The following SENP7 variants were observed in gnomAD, a reference collection of about 807,000 sequenced individuals.
SENP7 encodes sentrin-specific protease 7.
In SENP7, 64 loss-of-function variants were observed where a neutral mutation model predicts 141.2. The observed-to-expected ratio is 0.45, with a 90% CI of 0.37 to 0.56. The LOEUF is 0.56. Ranked by LOEUF, SENP7 falls within the 20% of genes least tolerant of loss-of-function variation. The probability of loss-of-function intolerance (pLI) is 0.00; values close to 1 mark genes in which losing one functional copy is unlikely to be tolerated. For missense variants in SENP7, 1,025 were observed against 1,212.2 expected (o/e 0.85, Z 2.29); for synonymous variants, 382 against 426.4 (o/e 0.90, Z 1.28).
intron 5 of SENP7, among the ~76,000 whole-genome samples, chr3:101,400,278 T>C (rs1469186569): frequency 6.6e-6 from 1 of 152,202 alleles, no homozygotes; most frequent in Non-Finnish European, 1.5e-5. Context: ...ACTTTACTTA[T>C]ACTTTGTTTG....
chr3:101,494,065 GCTAA>G (rs893837785), intron 2 of SENP7, 97 bp from the exon 3 acceptor site: 24 of 580,368 alleles, frequency 4.1e-5, no homozygotes, highest in Non-Finnish European at 6.3e-5. Context: ...TCAATAATTT[GCTAA>G]CTGTTTTAAG....
chr3:101,474,506 T>C (rs866244162), intron 3 of SENP7, among the ~76,000 whole-genome samples: 2 of 152,192 alleles, frequency 1.3e-5, no homozygotes, highest in South Asian at 4.1e-4. Flanking sequence ...ATAGGAGTGC[T>C]AGTGATTTTT....
chr3:101,480,853 C>T (rs1195582728), intron 3 of SENP7, among the ~76,000 whole-genome samples: 1 of 151,716 alleles, frequency 6.6e-6, no homozygotes, highest in East Asian at 1.9e-4. Context: ...ATACAAATGG[C>T]CAACAGGTAC....
At chr3:101,401,898 C>G (rs2061154337) in intron 5 of SENP7, among the ~76,000 whole-genome samples, 2 of 151,494 alleles carry the variant, frequency 1.3e-5, no homozygotes, top group Admixed American at 1.3e-4. Context: ...GTGAGAGGAT[C>G]ACTTTAGCCT....
intron 1 of SENP7, among the ~76,000 whole-genome samples, chr3:101,510,463 T>G (rs1249828320): frequency 1.3e-5 from 2 of 152,184 alleles, no homozygotes; most frequent in East Asian, 3.8e-4. Flanking sequence ...TGTGTTTTAT[T>G]TTATCTTTCT....
intron 5 of SENP7, among the ~76,000 whole-genome samples, chr3:101,404,378 G>T (rs2061238423): frequency 6.6e-6 from 1 of 152,094 alleles, no homozygotes; most frequent in Non-Finnish European, 1.5e-5. Context: ...GCAAAAAATT[G>T]AAATTGAACC....
At chr3:101,461,841 A>G (rs2063557553) in intron 3 of SENP7, among the ~76,000 whole-genome samples, 1 of 152,238 alleles carries the variant, frequency 6.6e-6, no homozygotes, top group Non-Finnish European at 1.5e-5. Context: ...GAACTAAACT[A>G]CTACCACATA....
chr3:101,509,587 T>A (rs2065766880), intron 1 of SENP7, among the ~76,000 whole-genome samples: 1 of 152,188 alleles, frequency 6.6e-6, no homozygotes, highest in Non-Finnish European at 1.5e-5. Context: ...TGTGGGCAAT[T>A]CCATTCATTC....
chr3:101,383,248 C>A (rs916206527), intron 6 of SENP7, among the ~76,000 whole-genome samples: 1 of 152,182 alleles, frequency 6.6e-6, no homozygotes, highest in African/African-American at 2.4e-5. Context: ...CTTGCTCCTG[C>A]TTTCACCATG....
intron 3 of SENP7, among the ~76,000 whole-genome samples, chr3:101,468,787 G>C (rs1473143007): frequency 6.6e-6 from 1 of 152,126 alleles, no homozygotes; most frequent in African/African-American, 2.4e-5. Context: ...GTGCTATGAA[G>C]AAACTGCATA....
chr3:101,365,909 T>A (rs1559724109), intron 9 of SENP7, among the ~76,000 whole-genome samples: 2 of 152,182 alleles, frequency 1.3e-5, no homozygotes, highest in African/African-American at 4.8e-5. Flanking sequence ...TATTGTGCCA[T>A]CACTCTAAAT....
intron 4 of SENP7, among the ~76,000 whole-genome samples, chr3:101,435,416 G>A (rs2062347410): frequency 6.6e-6 from 1 of 152,008 alleles, no homozygotes; most frequent in Admixed American, 6.6e-5. Flanking sequence ...ATTTAACATA[G>A]TATTGGAAGT....
intron 4 of SENP7, among the ~76,000 whole-genome samples, chr3:101,432,790 T>C (rs1281822392): frequency 6.6e-6 from 1 of 152,086 alleles, no homozygotes; most frequent in East Asian, 1.9e-4. Flanking sequence ...TGAAAAGCCT[T>C]CCCAAAAAGG....
chr3:101,508,027 G>A (rs935098191), intron 1 of SENP7, among the ~76,000 whole-genome samples: 3 of 117,570 alleles, frequency 2.6e-5, no homozygotes. Context: ...CCAGCCTGGC[G>A]ACAGAGCGAG....
chr3:101,448,728 G>A (rs1397738336), intron 4 of SENP7, among the ~76,000 whole-genome samples: 6 of 152,100 alleles, frequency 3.9e-5, no homozygotes, highest in South Asian at 2.1e-4. Flanking sequence ...CCATCTGTAC[G>A]TCACCATCAT....
intron 5 of SENP7, among the ~76,000 whole-genome samples, chr3:101,402,320 C>T (rs1195423087): frequency 1.3e-5 from 2 of 152,006 alleles, no homozygotes; most frequent in African/African-American, 2.4e-5. Context: ...ATCCAATGGC[C>T]CTTAAGAATT....
intron 3 of SENP7, among the ~76,000 whole-genome samples, chr3:101,476,560 C>T (rs748784666): frequency 3.9e-5 from 6 of 152,080 alleles, no homozygotes; most frequent in Non-Finnish European, 8.8e-5. Context: ...AATAAACATA[C>T]ATGTGCATGT....
intron 4 of SENP7, among the ~76,000 whole-genome samples, chr3:101,434,167 T>C (rs749684729): frequency 1.3e-5 from 2 of 152,128 alleles, no homozygotes; most frequent in South Asian, 2.1e-4. Flanking sequence ...TAAAACAATA[T>C]GTTCCTGAAT....
intron 5 of SENP7, among the ~76,000 whole-genome samples, chr3:101,402,760 C>T (rs1199206809): frequency 6.6e-6 from 1 of 151,964 alleles, no homozygotes; most frequent in Non-Finnish European, 1.5e-5. Flanking sequence ...AACTGCCACT[C>T]AGAAAAAAAA....
Sources: allele counts gnomAD v4.1 joint callset (sites outside exome capture counted in the v4.1 genomes callset), GRCh38; gene constraint gnomAD v4.1.1; transcripts MANE v1.5; gene names NCBI Gene and HGNC (gene_info 2026-07-23, HGNC 2026-07-21).